AATF: variants seen among roughly 807,000 people sequenced by gnomAD.
AATF encodes the protein protein AATF.
A neutral mutation model predicts 63.7 loss-of-function variants in AATF; 48 were observed. That is an observed-to-expected ratio of 0.75 (90% confidence interval 0.60 to 0.96). The LOEUF (loss-of-function observed/expected upper bound fraction) is 0.96. Among genes scored for constraint, AATF ranks in the 40% least tolerant of loss-of-function variants. The probability of loss-of-function intolerance (pLI) is 0.00; values close to 1 mark genes in which losing one functional copy is unlikely to be tolerated. For missense variants in AATF, 639 were observed against 685.7 expected, an observed-to-expected ratio of 0.93 and a Z score of 0.76; for synonymous variants, 258 against 247.7, an observed-to-expected ratio of 1.04 and a Z score of -0.39.
chr17:36,986,656 G>A lies in AATF; in HGVS notation c.872G>A (p.Gly291Asp), dbSNP rs114365683. ...AAAGCATTGTTGAGGTCATTGGTAGGTCTTCAGGAAGAGTTGCTTTTCCAG... is the reference window on the plus strand; with the variant it reads ...AAAGCATTGTTGAGGTCATTGGTAGATCTTCAGGAAGAGTTGCTTTTCCAG... Reference protein sequence around the residue: ...ALKALLRSLVGLQEELLFQYP... With the variant: ...ALKALLRSLVDLQEELLFQYP... The change falls in exon 5 of 12, where the codon GGT becomes GAT. Residue 291 changes from glycine to aspartate, a missense_variant. By Grantham distance (94) the Gly-to-Asp change is moderately conservative (BLOSUM62 -1). Coordinates refer to ENST00000619387, the MANE Select transcript of AATF (RefSeq NM_012138.4). 70 of 1,614,094 alleles carry A rather than the reference G, an allele frequency of 4.3e-5. No homozygotes were observed. The highest frequency in any genetic ancestry group is 3.3e-4 in the East Asian group (15 of 44,876).
At position 36,984,782 on chromosome 17, in the gene AATF, G is replaced by A. The variant is rs186086079; in HGVS notation, c.833-1835G>A. ...TCCCAAGTAGTTGGGACTATAGTGC[G>A]CACCATCAAAACCGGCTAGTTTTTA... On this transcript the variant is annotated intron_variant, in intron 4 of 11. Coordinates refer to ENST00000619387, the MANE Select transcript of AATF (RefSeq NM_012138.4). Among the ~76,000 whole-genome samples the A allele has an allele frequency of 4.0e-4, 60 of 151,762 alleles. 1 individual carries two copies. The highest frequency in any genetic ancestry group is 6.8e-3 in the Middle Eastern group (2 of 292).
chr17:36,961,170 G>A (rs11871484), intron 4 of AATF, among the ~76,000 whole-genome samples: 5,798 of 152,218 alleles, frequency 0.038, 373 homozygotes, highest in African/African-American at 0.13. Flanking sequence ...TTTAGGAGTT[G>A]AAGTATTCCT....
At chr17:37,003,830 T>C (rs931239213) in intron 8 of AATF, among the ~76,000 whole-genome samples, 5 of 150,994 alleles carry the variant, frequency 3.3e-5, no homozygotes, top group Non-Finnish European at 7.4e-5. Context: ...AGGCCGGGCA[T>C]GGTGGCTCAC....
chr17:37,003,848 A>G (rs1008387886), intron 8 of AATF, among the ~76,000 whole-genome samples: 18 of 150,866 alleles, frequency 1.2e-4, no homozygotes, highest in African/African-American at 4.4e-4. Flanking sequence ...CACACCTGTA[A>G]TCCCAGTGCT....
chr17:37,031,121 G>A (rs1311732421), intron 10 of AATF, among the ~76,000 whole-genome samples: 1 of 152,148 alleles, frequency 6.6e-6, no homozygotes, highest in South Asian at 2.1e-4. Flanking sequence ...CTACATATTT[G>A]TGAGTTCCAC....
At chr17:37,001,776 A>T (rs1407014721) in intron 8 of AATF, among the ~76,000 whole-genome samples, 1 of 152,240 alleles carries the variant, frequency 6.6e-6, no homozygotes, top group African/African-American at 2.4e-5. Context: ...CAAGACAAGG[A>T]TGTCTGCTCT....
At chr17:36,981,702 CT>C (rs71368433) in intron 4 of AATF, among the ~76,000 whole-genome samples, 102 of 110,462 alleles carry the variant, frequency 9.2e-4, no homozygotes, top group Admixed American at 2.6e-3. Context: ...TCTTTCTTTT[CT>C]TTTTTTTTTT....
intron 4 of AATF, among the ~76,000 whole-genome samples, chr17:36,964,794 C>G (rs2070978347): frequency 6.7e-6 from 1 of 150,204 alleles, no homozygotes; most frequent in Admixed American, 6.7e-5. Context: ...CATCTCAATC[C>G]TTTTTTTCCT....
intron 8 of AATF, among the ~76,000 whole-genome samples, chr17:37,008,697 C>G (rs1387343062): frequency 6.6e-6 from 1 of 152,098 alleles, no homozygotes; most frequent in Non-Finnish European, 1.5e-5. Context: ...GACCCCATCT[C>G]TACAAGAACT....
chr17:36,988,542 A>G lies in AATF; in HGVS notation c.971A>G (p.Asp324Gly), dbSNP rs2071186710. ...AGSEEISSED[D>G]ELVEEKKQQR... ...AGTGAGGAGATTTCTAGTGAAGATG[A>G]TGAGCTGGTAGAAGAGAAGAAGCAG... Residue 324 changes from aspartate (D) to glycine (G), a missense_variant, in exon 6 of 12, where the codon GAT becomes GGT. By Grantham distance (94) the Asp-to-Gly change is moderately conservative. Coordinates refer to ENST00000619387, the MANE Select transcript of AATF (RefSeq NM_012138.4). The G allele has an allele frequency of 1.2e-6, 2 of 1,614,102 alleles. No individual in the cohort carries two copies. Among genetic ancestry groups the G allele is most frequent in the African/African-American group, 2.7e-5 (2 of 75,052 alleles).
intron 11 of AATF, among the ~76,000 whole-genome samples, chr17:37,049,331 G>C (rs546625846): frequency 6.6e-6 from 1 of 152,148 alleles, no homozygotes; most frequent in Non-Finnish European, 1.5e-5. Context: ...AGCCGGGCGC[G>C]GTGGCTCACG....
intron 11 of AATF, among the ~76,000 whole-genome samples, chr17:37,042,496 C>G (rs891436278): frequency 8.6e-5 from 13 of 151,430 alleles, no homozygotes; most frequent in African/African-American, 2.9e-4. Flanking sequence ...CTCACTGCAG[C>G]CTCGAACTCC....
chr17:37,022,787 G>C (rs980500370), intron 10 of AATF, among the ~76,000 whole-genome samples: 3 of 152,104 alleles, frequency 2.0e-5, no homozygotes, highest in African/African-American at 4.8e-5. Context: ...ATAGTGCCAG[G>C]TACATAGTTA....
At chr17:36,956,326 C>A (rs2070899345) in intron 4 of AATF, among the ~76,000 whole-genome samples, 1 of 152,090 alleles carries the variant, frequency 6.6e-6, no homozygotes, top group Non-Finnish European at 1.5e-5. Context: ...TTTCTTGTGG[C>A]AATATGACAT....
chr17:36,960,618 T>C (rs9893214), intron 4 of AATF, among the ~76,000 whole-genome samples: 16,415 of 152,206 alleles, frequency 0.11, 2,793 homozygotes, highest in African/African-American at 0.36. Context: ...AATCCATAAA[T>C]GATTATTTCG....
chr17:36,975,841 C>T (rs1394532190), intron 4 of AATF, among the ~76,000 whole-genome samples: 1 of 152,158 alleles, frequency 6.6e-6, no homozygotes, highest in Non-Finnish European at 1.5e-5. Flanking sequence ...AAAAATATCC[C>T]ACTGTTTTAA....
chr17:37,031,089 A>AG (rs1164368420), intron 10 of AATF, among the ~76,000 whole-genome samples: 1 of 152,202 alleles, frequency 6.6e-6, no homozygotes, highest in Non-Finnish European at 1.5e-5. Flanking sequence ...TTAGGGAAAA[A>AG]GGGAAAAATG....
At chr17:36,983,117 C>T (rs375557720) in intron 4 of AATF, among the ~76,000 whole-genome samples, 1 of 152,104 alleles carries the variant, frequency 6.6e-6, no homozygotes, top group South Asian at 2.1e-4. Flanking sequence ...TCACAGCTCA[C>T]TGCAGCCTCA....
At chr17:36,993,733 A>G (rs756485450) in intron 8 of AATF, among the ~76,000 whole-genome samples, 2 of 152,152 alleles carry the variant, frequency 1.3e-5, no homozygotes, top group Non-Finnish European at 2.9e-5. Context: ...ACTTGAAGCC[A>G]GACTCTTTGG....
Sources: allele counts gnomAD v4.1 joint callset (sites outside exome capture counted in the v4.1 genomes callset), GRCh38; gene constraint gnomAD v4.1.1; transcripts MANE v1.5; gene names NCBI Gene and HGNC (gene_info 2026-07-23, HGNC 2026-07-21).